The following SH3BGRL2 variants were observed in gnomAD, a reference collection of about 807,000 sequenced individuals.
SH3BGRL2 encodes SH3 domain binding glutamate rich protein like 2.
SH3BGRL2 carries 21 observed loss-of-function variants against 14.8 expected under a neutral mutation model. That is an observed-to-expected ratio of 1.42 (90% CI 1.01 to 2.05). SH3BGRL2 has a LOEUF of 2.05. Ranked by LOEUF, SH3BGRL2 falls within the 30% of genes most tolerant of loss-of-function variation. The pLI is 0.00. For missense variants in SH3BGRL2, 147 were observed against 130.8 expected (o/e 1.12, Z -0.61); for synonymous variants, 50 against 47.8 (o/e 1.05, Z -0.19).
intron 1 of SH3BGRL2, among the ~76,000 whole-genome samples, chr6:79,644,408 A>G (rs1769088094): frequency 6.6e-6 from 1 of 152,176 alleles, no homozygotes; most frequent in African/African-American, 2.4e-5. Context: ...GGAGGCCTGC[A>G]GGAGTGGTCA....
At chr6:79,573,997 C>G in the SH3BGRL2 span, 1 of 152,150 alleles carries the variant, frequency 6.6e-6, no homozygotes, top group Non-Finnish European at 1.5e-5. Flanking sequence ...TTTGGGTCAG[C>G]TATTGCTGTT....
At chr6:79,687,270 T>C (rs1383460953) in intron 2 of SH3BGRL2, among the ~76,000 whole-genome samples, 1 of 152,196 alleles carries the variant, frequency 6.6e-6, no homozygotes, top group Admixed American at 6.5e-5. Flanking sequence ...GTGTTTTCTC[T>C]ACCTGTTTGG....
At chr6:79,650,116 G>A (rs533304980) in intron 1 of SH3BGRL2, among the ~76,000 whole-genome samples, 1 of 152,130 alleles carries the variant, frequency 6.6e-6, no homozygotes, top group African/African-American at 2.4e-5. Flanking sequence ...ATTTGAGGTG[G>A]AGAGACCAGA....
chr6:79,638,184 ACTC>A (rs1198487737), intron 1 of SH3BGRL2, among the ~76,000 whole-genome samples: 22 of 151,962 alleles, frequency 1.4e-4, no homozygotes, highest in African/African-American at 5.1e-4. Flanking sequence ...GCTAGAACTT[ACTC>A]CTCCTATCGA....
At chr6:79,554,939 ATATTCT>A in the SH3BGRL2 span, among the ~76,000 whole-genome samples, 5 of 151,988 alleles carry the variant, frequency 3.3e-5, no homozygotes, top group Non-Finnish European at 5.9e-5. Flanking sequence ...ATTATTACAG[ATATTCT>A]TATTTATATC....
chr6:79,683,099 A>G, intron 2 of SH3BGRL2, among the ~76,000 whole-genome samples: 1 of 152,196 alleles, frequency 6.6e-6, no homozygotes, highest in Non-Finnish European at 1.5e-5. Flanking sequence ...CCTAATGTAA[A>G]TGATGAGTTG....
intron 1 of SH3BGRL2, among the ~76,000 whole-genome samples, chr6:79,642,800 GGGT>G (rs1769058260): frequency 6.6e-6 from 1 of 152,148 alleles, no homozygotes; most frequent in African/African-American, 2.4e-5. Context: ...AATTTGGTGG[GGGT>G]TGGGGACAGT....
chr6:79,589,969 G>T, the SH3BGRL2 span, among the ~76,000 whole-genome samples: 1 of 151,766 alleles, frequency 6.6e-6, no homozygotes, highest in African/African-American at 2.4e-5. Flanking sequence ...GACGTGGTTT[G>T]GCCATGTTGC....
chr6:79,630,648 A>G (rs894949855), upstream of SH3BGRL2, among the ~76,000 whole-genome samples: 8 of 152,164 alleles, frequency 5.3e-5, no homozygotes, highest in African/African-American at 1.7e-4. Flanking sequence ...CTGATTTCCA[A>G]TGTTGATAGA....
intron 1 of SH3BGRL2, among the ~76,000 whole-genome samples, chr6:79,652,039 G>A (rs1769307159): frequency 6.6e-6 from 1 of 152,196 alleles, no homozygotes; most frequent in East Asian, 1.9e-4. Context: ...TTCAGACATT[G>A]CCAAATGTCC....
At chr6:79,564,158 C>CA in the SH3BGRL2 span, among the ~76,000 whole-genome samples, 2 of 146,744 alleles carry the variant, frequency 1.4e-5, no homozygotes, top group Non-Finnish European at 3.0e-5. Context: ...TCTTGGAAAA[C>CA]AAAAAATATA....
chr6:79,638,746 T>C (rs1350226096), intron 1 of SH3BGRL2, among the ~76,000 whole-genome samples: 1 of 152,202 alleles, frequency 6.6e-6, no homozygotes, highest in East Asian at 1.9e-4. Flanking sequence ...GTATGTCTTC[T>C]TTTGAGAGCT....
the SH3BGRL2 span, among the ~76,000 whole-genome samples, chr6:79,587,034 C>T: frequency 3.7e-4 from 56 of 152,130 alleles, no homozygotes; most frequent in South Asian, 4.1e-4. Flanking sequence ...TCTAGACCCC[C>T]AGGTGGTCCT....
chr6:79,644,795 AT>A (rs984635979), intron 1 of SH3BGRL2, among the ~76,000 whole-genome samples: 29 of 152,254 alleles, frequency 1.9e-4, no homozygotes, highest in African/African-American at 6.7e-4. Context: ...TAATTTTCTG[AT>A]TTTTTTCAAC....
At chr6:79,655,558 C>T (rs723981) in intron 1 of SH3BGRL2, among the ~76,000 whole-genome samples, 13,935 of 152,080 alleles carry the variant, frequency 0.092, 1,124 homozygotes, top group East Asian at 0.42. Flanking sequence ...ACAGAGAAAT[C>T]TCACACCCCT....
At chr6:79,673,437 G>A (rs879420892) in intron 1 of SH3BGRL2, among the ~76,000 whole-genome samples, 177 bp from the exon 2 acceptor site, 2 of 152,070 alleles carry the variant, frequency 1.3e-5, no homozygotes, top group Non-Finnish European at 2.9e-5. Flanking sequence ...TCAAAGAAAC[G>A]ACTGTGTTGG....
chr6:79,635,726 G>T (rs1582711712), intron 1 of SH3BGRL2, among the ~76,000 whole-genome samples: 1 of 152,282 alleles, frequency 6.6e-6, no homozygotes, highest in Non-Finnish European at 1.5e-5. Context: ...AAGATAGAAA[G>T]GTATTGGAAG....
chr6:79,575,746 T>G, the SH3BGRL2 span, among the ~76,000 whole-genome samples: 3 of 152,074 alleles, frequency 2.0e-5, no homozygotes, highest in Non-Finnish European at 4.4e-5. Flanking sequence ...TACTCAACCC[T>G]TAGTTTCAGA....
the SH3BGRL2 span, chr6:79,561,504 A>C: frequency 6.6e-6 from 1 of 152,228 alleles, no homozygotes; most frequent in Non-Finnish European, 1.5e-5. Context: ...ACTACTAAGT[A>C]TAAAATTCCA....
Sources: gnomAD v4.1 joint callset for allele counts (sites outside exome capture counted in the v4.1 genomes callset) on GRCh38, gnomAD v4.1.1 for gene constraint, MANE v1.5 for transcripts, NCBI Gene and HGNC (gene_info 2026-07-23, HGNC 2026-07-21) for gene names.